ASIC2: variants seen among roughly 807,000 people sequenced by gnomAD.
The protein encoded by ASIC2 is acid-sensing ion channel 2.
A neutral mutation model predicts 57.3 loss-of-function variants in ASIC2; 25 were observed. That is an observed-to-expected ratio of 0.44 (90% confidence interval 0.32 to 0.61). ASIC2 has a LOEUF of 0.61. Among genes scored for constraint, ASIC2 ranks in the 20% least tolerant of loss-of-function variants. ASIC2 has a pLI of 0.06. For missense variants in ASIC2, 641 were observed against 738.1 expected (o/e 0.87, Z 1.52); for synonymous variants, 319 against 307.5 (o/e 1.04, Z -0.39).
intron 1 of ASIC2, among the ~76,000 whole-genome samples, chr17:33,697,858 A>T (rs1164745653): frequency 2.0e-5 from 3 of 152,194 alleles, no homozygotes; most frequent in African/African-American, 4.8e-5. Flanking sequence ...GTGACAAGAG[A>T]CTGGGGCCCA....
chr17:33,135,208 A>C (rs1365154617), intron 1 of ASIC2, among the ~76,000 whole-genome samples: 1 of 152,098 alleles, frequency 6.6e-6, no homozygotes, highest in Non-Finnish European at 1.5e-5. Context: ...CCAGGACCTC[A>C]GGAAAGTGCC....
chr17:33,624,933 C>T (rs968654461), intron 1 of ASIC2, among the ~76,000 whole-genome samples: 1 of 152,192 alleles, frequency 6.6e-6, no homozygotes, highest in East Asian at 1.9e-4. Context: ...AACTAAATAC[C>T]TATCTTCAAA....
chr17:33,755,170 G>T (rs1317442736), intron 1 of ASIC2, among the ~76,000 whole-genome samples: 1 of 152,046 alleles, frequency 6.6e-6, no homozygotes, highest in Non-Finnish European at 1.5e-5. Flanking sequence ...AAAAGGAGAG[G>T]ACAATGTGAA....
intron 1 of ASIC2, chr17:34,038,635 T>C (rs1044749699): frequency 1.3e-6 from 2 of 1,594,970 alleles, no homozygotes; most frequent in Non-Finnish European, 1.7e-6. Flanking sequence ...TGATATGTAG[T>C]TTTCTAACCC....
chr17:33,317,902 T>A (rs1291214984), intron 1 of ASIC2, among the ~76,000 whole-genome samples: 3 of 151,304 alleles, frequency 2.0e-5, no homozygotes, highest in African/African-American at 7.3e-5. Context: ...TGTGTGTGTG[T>A]GTGTGTGTGT....
intron 1 of ASIC2, chr17:34,081,957 A>G (rs1484610898): frequency 6.6e-6 from 1 of 152,180 alleles, no homozygotes; most frequent in Non-Finnish European, 1.5e-5. Context: ...AAGAAACCCC[A>G]GTGGCTTTCT....
intron 1 of ASIC2, among the ~76,000 whole-genome samples, chr17:33,358,668 T>C (rs1024403565): frequency 2.0e-5 from 3 of 152,214 alleles, no homozygotes; most frequent in African/African-American, 7.2e-5. Flanking sequence ...TATAAGAATG[T>C]CACATGTTAT....
At chr17:33,404,329 A>G (rs922975620) in intron 1 of ASIC2, among the ~76,000 whole-genome samples, 1 of 152,262 alleles carries the variant, frequency 6.6e-6, no homozygotes, top group African/African-American at 2.4e-5. Flanking sequence ...TGTAGTATGT[A>G]AATTGTATCT....
chr17:33,133,030 G>A (rs2092353643), intron 1 of ASIC2, among the ~76,000 whole-genome samples: 1 of 152,208 alleles, frequency 6.6e-6, no homozygotes, highest in South Asian at 2.1e-4. Context: ...AGGGTAAAGT[G>A]TGTAAGCAAA....
intron 3 of ASIC2, among the ~76,000 whole-genome samples, chr17:33,086,638 C>T (rs1446499421): frequency 6.6e-6 from 1 of 152,162 alleles, no homozygotes; most frequent in African/African-American, 2.4e-5. Flanking sequence ...AAGACTTGAA[C>T]AAACACTATC....
At chr17:33,267,017 GA>G (rs1338472847) in intron 1 of ASIC2, among the ~76,000 whole-genome samples, 1 of 152,114 alleles carries the variant, frequency 6.6e-6, no homozygotes, top group Non-Finnish European at 1.5e-5. Flanking sequence ...CAAAATTAAT[GA>G]AATTTTAGGG....
Position 33,291,720 on chromosome 17 carries a change from G to A in ASIC2, c.396C>T (p.Ala132=), listed in dbSNP as rs200451820. The A allele has an allele frequency of 1.9e-6, 3 of 1,613,254 alleles. No homozygotes were observed. The highest frequency in any genetic ancestry group is 2.5e-6 in the Non-Finnish European group (3 of 1,179,770). The change falls in exon 1 of 10, where the codon GCC becomes GCT. Residue 132 remains alanine (A), a synonymous_variant. Transcript: ENST00000225823. Reference sequence around the variant, plus strand: ...GCGGGTTGTTGTTGCACACAGTGACGGCGGGGAAGGGTAACTGGCGGCTCC... The same window carrying A: ...GCGGGTTGTTGTTGCACACAGTGACAGCGGGGAAGGGTAACTGGCGGCTCC... ...REWSRQLPFP[A]VTVCNNNPLR...
intron 1 of ASIC2, among the ~76,000 whole-genome samples, chr17:34,096,535 C>T (rs1910551434): frequency 6.6e-6 from 1 of 151,974 alleles, no homozygotes; most frequent in Admixed American, 6.6e-5. Flanking sequence ...TGGAAAAATC[C>T]CATTGATCAT....
chr17:33,960,342 C>T (rs1308520141), intron 1 of ASIC2, among the ~76,000 whole-genome samples: 1 of 152,186 alleles, frequency 6.6e-6, no homozygotes. Flanking sequence ...TCAATCTTTG[C>T]ACCAATACAT....
In ASIC2 at chr17:33,727,587, C is replaced by G. The variant is rs184901793; in HGVS notation, c.555+428391G>C. 1.6e-3 allele frequency among the ~76,000 whole-genome samples: 246 copies of G among 152,244 alleles called. 2 individuals are homozygous for G. Among genetic ancestry groups the G allele is most frequent in the African/African-American group, 5.7e-3 (235 of 41,542 alleles). On this transcript the variant is annotated intron_variant, in intron 1 of 9. Coordinates refer to the ASIC2 transcript ENST00000359872. Reference sequence around the variant, plus strand: ...GTTCTTTAAAAGTGTGTAGCACCTTCCCCATCTCTCTCTCTTGTTCCTGCT... The same window carrying G: ...GTTCTTTAAAAGTGTGTAGCACCTTGCCCATCTCTCTCTCTTGTTCCTGCT...
At chr17:33,685,172 C>T (rs1490885273) in intron 1 of ASIC2, among the ~76,000 whole-genome samples, 1 of 152,146 alleles carries the variant, frequency 6.6e-6, no homozygotes, top group Non-Finnish European at 1.5e-5. Flanking sequence ...GGTCAGATTT[C>T]CCCCCTCCCC....
Position 33,430,572 on chromosome 17 carries a change from G to A in ASIC2, c.556-318505C>T, listed in dbSNP as rs1477291773. On this transcript the variant is annotated intron_variant, in intron 1 of 9. Transcript: ENST00000359872. Reference sequence around the variant, plus strand: ...ATGTAAATGTCAAGTGGTCAGTGAAGCAATGCAGGGTGCTGGGGCCACAGC... The same window carrying A: ...ATGTAAATGTCAAGTGGTCAGTGAAACAATGCAGGGTGCTGGGGCCACAGC... Among the ~76,000 whole-genome samples, 4 of 152,172 alleles carry A rather than the reference G, an allele frequency of 2.6e-5. No homozygotes were observed. In the South Asian group the frequency reaches 6.2e-4, roughly 24 times the overall value.
intron 1 of ASIC2, among the ~76,000 whole-genome samples, chr17:33,327,347 G>T (rs1334709938): frequency 6.6e-6 from 1 of 152,170 alleles, no homozygotes; most frequent in African/African-American, 2.4e-5. Context: ...TGAGATTTGG[G>T]ATGGCCTTTT....
At chr17:33,695,174 A>T (rs914877991) in intron 1 of ASIC2, among the ~76,000 whole-genome samples, 1 of 152,230 alleles carries the variant, frequency 6.6e-6, no homozygotes, top group East Asian at 1.9e-4. Flanking sequence ...AAATCAAATG[A>T]TATTGGGAGA....
Sources: allele counts gnomAD v4.1 joint callset (sites outside exome capture counted in the v4.1 genomes callset), GRCh38; gene constraint gnomAD v4.1.1; transcripts MANE v1.5; gene names NCBI Gene and HGNC (gene_info 2026-07-23, HGNC 2026-07-21).